The following ASPM variants were observed in gnomAD, a reference collection of about 807,000 sequenced individuals.
The protein encoded by ASPM is assembly factor for spindle microtubules.
Under a neutral mutation model 366.4 loss-of-function variants are expected in ASPM, and 256 were observed. The observed-to-expected ratio is 0.70, with a 90% CI of 0.63 to 0.77. The LOEUF (loss-of-function observed/expected upper bound fraction) is 0.77, where lower values mean the gene tolerates loss of function less well. Ranked by LOEUF, ASPM falls within the 30% of genes least tolerant of loss-of-function variation. The probability of loss-of-function intolerance (pLI) is 0.00; values close to 1 mark genes in which losing one functional copy is unlikely to be tolerated. For missense variants in ASPM, 4,146 were observed against 4,090.4 expected (o/e 1.01, Z -0.37); for synonymous variants, 1,414 against 1,342.9 (o/e 1.05, Z -1.16).
chr1:197,119,212 T>G (rs1657832875), intron 16 of ASPM, among the ~76,000 whole-genome samples: 1 of 152,164 alleles, frequency 6.6e-6, no homozygotes, highest in African/African-American at 2.4e-5. Context: ...AATTCCAAAA[T>G]CGGGCTAGGG....
chr1:197,103,594 C>T lies in ASPM; in HGVS notation c.5657G>A (p.Arg1886His), dbSNP rs558778372. 1.2e-5 allele frequency: 19 copies of T among 1,612,862 alleles called. No homozygotes were observed. The highest frequency in any genetic ancestry group is 1.7e-4 in the Middle Eastern group (1 of 6,058). Reference protein sequence around the residue: ...AAVISLQSAYRGWKVRKQIRR... With the variant: ...AAVISLQSAYHGWKVRKQIRR... ...AATCTGTTTCCGAACCTTCCAGCCA[C>T]GATAAGCAGACTGGAGGGAAATCAC... The change falls in exon 18 of 28, where the codon CGT (arginine) becomes CAT (histidine). Residue 1886 changes from arginine (R) to histidine (H), a missense_variant. Arg to His is a conservative substitution (Grantham distance 29, BLOSUM62 0). Around this residue, in one of 3 missense-constraint regions of ASPM, gnomAD observed 3,624 missense variants for 3,591.7 expected, o/e 1.01. Coordinates refer to ENST00000367409, the MANE Select transcript of ASPM (RefSeq NM_018136.5).
chr1:197,142,301 A>C, intron 3 of ASPM, 30 bp downstream of exon 3: 1 of 1,605,258 alleles, frequency 6.2e-7, no homozygotes, highest in Non-Finnish European at 8.5e-7. Context: ...TTACAGGTAT[A>C]CTTCAGTAGA....
chr1:197,105,227 C>T (rs1488156509), intron 17 of ASPM, 42 bp from the exon 18 acceptor site: 1 of 1,452,370 alleles, frequency 6.9e-7, no homozygotes, highest in African/African-American at 1.4e-5. Flanking sequence ...ATAGGCATAG[C>T]TTTCTATATT....
chr1:197,101,798 C>A lies in ASPM; in HGVS notation c.7453G>T (p.Val2485Phe). 6.2e-7 allele frequency: 1 copy of A among 1,612,836 alleles called. No homozygotes were observed. Among genetic ancestry groups the A allele is most frequent in the Non-Finnish European group, 8.5e-7 (1 of 1,179,328 alleles). The change falls in exon 18 of 28, where the codon GTT becomes TTT. Residue 2485 changes from valine to phenylalanine, a missense_variant. Around this residue, in one of 3 missense-constraint regions of ASPM, gnomAD observed 3,624 missense variants for 3,591.7 expected, o/e 1.01. Transcript: ENST00000367409. ...ATCCTGAAAGTAGCCTGAATGAGAA[C>A]TGCAGCCCTTTGCATTTCTTGTAAC... ...KKLQEMQRAA[V>F]LIQATFRMYR...
Position 197,102,423 on chromosome 1 carries a change from TAG to T in ASPM, c.6826_6827del (p.Leu2276AsnfsTer41), listed in dbSNP as rs752542624. 6 of 1,612,690 alleles carry T rather than the reference TAG, an allele frequency of 3.7e-6. No individual in the cohort carries two copies. The highest frequency in any genetic ancestry group is 4.2e-6 in the Non-Finnish European group (5 of 1,179,230). Reference protein sequence around the residue: ...ATLIQRRFRTLMMRRRFLSLK... With the variant: ...ATLIQRRFRTXMMRRRFLSLK... Reference sequence around the variant, plus strand: ...GAGAGAGGAATCTTCTTCTCATCATTAGAGTTCTAAATCTCCTCTGAATGAGA... The same window carrying T: ...GAGAGAGGAATCTTCTTCTCATCATTAGTTCTAAATCTCCTCTGAATGAGA... On this transcript the variant is annotated frameshift_variant, in exon 18 of 28. Coordinates refer to ENST00000367409, the MANE Select transcript of ASPM (RefSeq NM_018136.5). LOFTEE classifies it high-confidence loss of function.
At chr1:197,129,722 C>A (rs546320864) in intron 8 of ASPM, among the ~76,000 whole-genome samples, 193 bp downstream of exon 8, 63 of 152,074 alleles carry the variant, frequency 4.1e-4, no homozygotes, top group African/African-American at 1.4e-3. Context: ...TGGGTAGAGA[C>A]AACAGATAGA....
chr1:197,091,183 C>T (rs1259794317), intron 22 of ASPM, 142 bp from the exon 23 acceptor site: 3 of 779,258 alleles, frequency 3.8e-6, no homozygotes, highest in African/African-American at 1.8e-5. Flanking sequence ...GCATTACTTC[C>T]CCACTCCACT....
chr1:197,088,095 C>T, intron 26 of ASPM, 161 bp downstream of exon 26: 1 of 693,944 alleles, frequency 1.4e-6, no homozygotes, highest in Non-Finnish European at 2.4e-6. Context: ...AGAAACAACT[C>T]ATAGATACAT....
Position 197,093,255 on chromosome 1 carries a change from G to T in ASPM, c.9091C>A (p.Arg3031=). ...TGTGCTTGGATCAAACAAGCAGCTCGATGTCTCTATAAGGAAAAATTTACA... is the reference window on the plus strand; with the variant it reads ...TGTGCTTGGATCAAACAAGCAGCTCTATGTCTCTATAAGGAAAAATTTACA... The part of the protein sequence containing the change: ...HEHFLMIKRH[R]AACLIQAHYR... Residue 3031 remains arginine, a synonymous_variant, in exon 21 of 28, where the codon CGA becomes AGA. Transcript: ENST00000367409. 3.1e-6 allele frequency: 5 copies of T among 1,611,338 alleles called. No individual in the cohort carries two copies. Among genetic ancestry groups the T allele is most frequent in the Non-Finnish European group, 4.2e-6 (5 of 1,178,460 alleles).
intron 23 of ASPM, 127 bp from the exon 24 acceptor site, chr1:197,090,515 A>C: frequency 1.2e-6 from 1 of 831,588 alleles, no homozygotes; most frequent in Non-Finnish European, 1.8e-6. Flanking sequence ...ATTTCAATTA[A>C]AATCTCAAGT....
At chr1:197,105,299 G>T (rs1657377476) in intron 17 of ASPM, 114 bp from the exon 18 acceptor site, 1 of 835,060 alleles carries the variant, frequency 1.2e-6, no homozygotes, top group African/African-American at 1.7e-5. Context: ...CATTGAATTA[G>T]AAAACTAATT....
intron 16 of ASPM, among the ~76,000 whole-genome samples, chr1:197,120,756 AG>A (rs1241986109): frequency 6.6e-6 from 1 of 152,096 alleles, no homozygotes; most frequent in Non-Finnish European, 1.5e-5. Context: ...GAAAGTTTTC[AG>A]GAAGTTATTC....
At chr1:197,125,440 T>G (rs918909681) in intron 10 of ASPM, among the ~76,000 whole-genome samples, 19 of 151,140 alleles carry the variant, frequency 1.3e-4, no homozygotes, top group Non-Finnish European at 2.8e-4. Flanking sequence ...AATGCACACA[T>G]CAACAAAATA....
At position 197,102,608 on chromosome 1, in the gene ASPM, TTTTC is replaced by T. The variant is rs1334301723; in HGVS notation, c.6639_6642del (p.Lys2214Ter). 2 of 1,612,572 alleles carry T rather than the reference TTTTC, an allele frequency of 1.2e-6. No individual in the cohort carries two copies. Among genetic ancestry groups the T allele is most frequent in the Non-Finnish European group, 1.7e-6 (2 of 1,179,248 alleles). The stretch of plus-strand genomic sequence containing the variant: ...TATCTTTGCTGTACTGTTTTTGTTA[TTTTC>T]TTTAACTTATTAAAGTATGTTTGCT... On this transcript the variant is annotated frameshift_variant, in exon 18 of 28. Transcript: ENST00000367409. LOFTEE classifies it high-confidence loss of function.
At chr1:197,145,958 AG>A (rs1050553520) in intron 1 of ASPM, among the ~76,000 whole-genome samples, 182 bp downstream of exon 1, 1 of 151,982 alleles carries the variant, frequency 6.6e-6, no homozygotes. Flanking sequence ...TCACTCTCTA[AG>A]GGTCTTTTCT....
rs1343669129 is a variant in ASPM at position 197,086,828 on chromosome 1, G to A, written c.10306C>T (p.Pro3436Ser). Residue 3436 changes from proline (P) to serine (S), a missense_variant, in exon 27 of 28, where the codon CCT becomes TCT. Transcript: ENST00000367409. The stretch of plus-strand genomic sequence containing the variant: ...CTTGAAACTATTCTGGTCCTTACAG[G>A]TGTTTCTGGGATAAAAGGAATGCTT... ...SISIPFIPET[P>S]VRTRIVSRLK... 6 of 1,610,380 alleles carry A rather than the reference G, an allele frequency of 3.7e-6. No homozygotes were observed. The highest frequency in any genetic ancestry group is 5.1e-6 in the Non-Finnish European group (6 of 1,177,120).
chr1:197,093,957 CT>C (rs1264028410), intron 20 of ASPM, 126 bp downstream of exon 20: 4 of 618,966 alleles, frequency 6.5e-6, no homozygotes, highest in African/African-American at 1.9e-5. Flanking sequence ...TAAATGCATA[CT>C]TAGGTCTTAA....
In ASPM at chr1:197,086,830, G is replaced by A; in HGVS notation, c.10304C>T (p.Thr3435Ile). 6.2e-7 allele frequency: 1 copy of A among 1,610,782 alleles called. No individual in the cohort carries two copies. The highest frequency in any genetic ancestry group is 8.5e-7 in the Non-Finnish European group (1 of 1,177,340). The change falls in exon 27 of 28, where the codon ACA becomes ATA. Residue 3435 changes from threonine (T) to isoleucine (I), a missense_variant. By Grantham distance (89) the Thr-to-Ile change is moderately conservative (BLOSUM62 -1). Coordinates refer to ENST00000367409, the MANE Select transcript of ASPM (RefSeq NM_018136.5). ...TGAAACTATTCTGGTCCTTACAGGT[G>A]TTTCTGGGATAAAAGGAATGCTTAT... ...SSISIPFIPE[T>I]PVRTRIVSRL...
chr1:197,095,145 T>C (rs958645696), intron 19 of ASPM, among the ~76,000 whole-genome samples: 3 of 151,782 alleles, frequency 2.0e-5, no homozygotes, highest in Admixed American at 6.6e-5. Context: ...AATAAATTAT[T>C]GTTAACTATA....
Sources: gnomAD v4.1 joint callset for allele counts (sites outside exome capture counted in the v4.1 genomes callset) on GRCh38, gnomAD v4.1.1 for gene constraint, gnomAD v4.1.1 regional missense constraint, MANE v1.5 for transcripts, NCBI Gene and HGNC (gene_info 2026-07-23, HGNC 2026-07-21) for gene names.